CTBP2: variants seen among roughly 807,000 people sequenced by gnomAD.
CTBP2 encodes C-terminal-binding protein 2.
A neutral mutation model predicts 80.3 loss-of-function variants in CTBP2; 30 were observed. The observed-to-expected ratio is 0.37, with a 90% CI of 0.28 to 0.51. CTBP2 has a LOEUF of 0.51. Ranked by LOEUF, CTBP2 falls within the 20% of genes least tolerant of loss-of-function variation. CTBP2 has a pLI of 0.93. For missense variants in CTBP2, 1,212 were observed against 1,375.3 expected (o/e 0.88, Z 1.88); for synonymous variants, 594 against 587.4 (o/e 1.01, Z -0.16).
At chr10:125,079,731 G>T (rs1400691525) in intron 2 of CTBP2, among the ~76,000 whole-genome samples, 1 of 152,150 alleles carries the variant, frequency 6.6e-6, no homozygotes, top group Non-Finnish European at 1.5e-5. Context: ...ATCTATAATG[G>T]TTGCTAATTT....
intron 1 of CTBP2, among the ~76,000 whole-genome samples, chr10:125,125,671 C>T (rs1456396490): frequency 6.6e-6 from 1 of 152,204 alleles, no homozygotes; most frequent in Admixed American, 6.5e-5. Context: ...GAATGGGACA[C>T]TCAGTGTCCA....
chr10:125,114,448 C>T (rs1166397702), intron 1 of CTBP2, among the ~76,000 whole-genome samples: 1 of 152,092 alleles, frequency 6.6e-6, no homozygotes, highest in Non-Finnish European at 1.5e-5. Flanking sequence ...AGACTGTGGT[C>T]AGCTAGTTCC....
At chr10:125,049,337 A>G (rs1460431853) in intron 2 of CTBP2, among the ~76,000 whole-genome samples, 4 of 152,222 alleles carry the variant, frequency 2.6e-5, no homozygotes, top group Non-Finnish European at 5.9e-5. Flanking sequence ...GCAGCAGGAT[A>G]CCACTGAGTG....
intron 2 of CTBP2, among the ~76,000 whole-genome samples, chr10:125,055,626 G>A (rs984809189): frequency 3.9e-5 from 6 of 152,130 alleles, no homozygotes; most frequent in South Asian, 2.1e-4. Flanking sequence ...ACACGGCTAC[G>A]TCTCACAAAG....
chr10:125,114,232 G>A (rs2135957358), intron 1 of CTBP2, among the ~76,000 whole-genome samples: 2 of 152,294 alleles, frequency 1.3e-5, no homozygotes, highest in African/African-American at 4.8e-5. Context: ...CGGTCAGCAT[G>A]CCCACCCCCT....
At chr10:125,121,955 G>A (rs919216958) in intron 1 of CTBP2, among the ~76,000 whole-genome samples, 1 of 152,214 alleles carries the variant, frequency 6.6e-6, no homozygotes, top group Non-Finnish European at 1.5e-5. Flanking sequence ...TGGGATGGGA[G>A]AGAAAAGCCA....
intron 1 of CTBP2, among the ~76,000 whole-genome samples, chr10:125,009,274 G>A (rs565636677): frequency 1.3e-4 from 20 of 152,174 alleles, no homozygotes; most frequent in Admixed American, 4.6e-4. Flanking sequence ...AGCGATTCAC[G>A]GCTTCATCAG....
intron 2 of CTBP2, among the ~76,000 whole-genome samples, chr10:125,099,611 G>T (rs1850289266): frequency 6.6e-6 from 1 of 152,210 alleles, no homozygotes; most frequent in Non-Finnish European, 1.5e-5. Context: ...TCCTGCCTTA[G>T]AAAACCATCA....
intron 1 of CTBP2, among the ~76,000 whole-genome samples, chr10:125,141,915 G>A (rs1857896874): frequency 6.6e-6 from 1 of 152,172 alleles, no homozygotes; most frequent in African/African-American, 2.4e-5. Context: ...CCCTGGCCTG[G>A]CAGTCACTCA....
intron 1 of CTBP2, among the ~76,000 whole-genome samples, chr10:125,129,124 T>A (rs1181847910): frequency 6.6e-6 from 1 of 152,224 alleles, no homozygotes; most frequent in Admixed American, 6.5e-5. Context: ...GTGTATAATG[T>A]ACATACATGT....
chr10:125,125,806 G>T (rs778315633), intron 1 of CTBP2, among the ~76,000 whole-genome samples: 12 of 152,326 alleles, frequency 7.9e-5, no homozygotes, highest in African/African-American at 2.9e-4. Flanking sequence ...CTTGAGATCT[G>T]GGCTAAGAAA....
At chr10:125,112,253 C>A (rs1852411778) in intron 1 of CTBP2, among the ~76,000 whole-genome samples, 1 of 151,320 alleles carries the variant, frequency 6.6e-6, no homozygotes, top group African/African-American at 2.4e-5. Flanking sequence ...GCTGGGACTA[C>A]AGGCGCCTGC....
At chr10:125,129,893 T>C (rs1351452239) in intron 1 of CTBP2, among the ~76,000 whole-genome samples, 1 of 151,990 alleles carries the variant, frequency 6.6e-6, no homozygotes, top group South Asian at 2.1e-4. Context: ...TTGTTTGTGC[T>C]AACGCAGGCT....
At chr10:125,138,461 T>C (rs1857293745) in intron 1 of CTBP2, among the ~76,000 whole-genome samples, 1 of 152,142 alleles carries the variant, frequency 6.6e-6, no homozygotes, top group African/African-American at 2.4e-5. Context: ...AAAATGACCT[T>C]CGGCAGTTCA....
chr10:125,002,960 C>T lies in CTBP2; in HGVS notation c.1978G>A (p.Gly660Arg), dbSNP rs745561150. Reference sequence around the variant, plus strand: ...GCAGCCAGCGCTGCCTCGCACTCACCGAGCTCGCCGGCAGCCTTGATGTCC... The same window carrying T: ...GCAGCCAGCGCTGCCTCGCACTCACTGAGCTCGCCGGCAGCCTTGATGTCC... Residue 660 changes from glycine to arginine, a missense_variant and splice_region_variant, in exon 3 of 9, where the codon GGA becomes AGA. Coordinates refer to ENST00000309035, the MANE Select transcript of CTBP2 (RefSeq NM_022802.3). 1.6e-5 allele frequency: 25 copies of T among 1,612,358 alleles called. No homozygotes were observed. The highest frequency in any genetic ancestry group is 1.2e-4 in the Admixed American group (7 of 59,996).
chr10:124,989,606 A>G lies in CTBP2; in HGVS notation c.2870T>C (p.Leu957Pro). 3.1e-6 allele frequency: 5 copies of G among 1,613,012 alleles called. No individual in the cohort carries two copies. Among genetic ancestry groups the G allele is most frequent in the Non-Finnish European group, 4.2e-6 (5 of 1,179,618 alleles). The change falls in exon 9 of 9, where the codon CTC (leucine) becomes CCC (proline). Residue 957 changes from leucine (L) to proline (P), a missense_variant. This residue lies in a region of CTBP2 where 335 missense variants were observed against 504.7 expected (regional missense o/e 0.66). Coordinates refer to ENST00000309035, the MANE Select transcript of CTBP2 (RefSeq NM_022802.3). ...TTGGGAAGGATGTGCCACTGTCGGG[A>G]GGTTGTGAGTCACTGGGATGCCTCC...
intron 6 of CTBP2, 41 bp from the exon 9 acceptor site, chr10:124,993,370 G>T: frequency 6.3e-7 from 1 of 1,585,716 alleles, no homozygotes; most frequent in South Asian, 1.1e-5. Flanking sequence ...GGGAAATGTC[G>T]CATACGCTCC....
At chr10:125,125,962 T>C (rs1487435555) in intron 1 of CTBP2, among the ~76,000 whole-genome samples, 1 of 152,356 alleles carries the variant, frequency 6.6e-6, no homozygotes, top group Non-Finnish European at 1.5e-5. Context: ...GTGTCAGGGC[T>C]GAGCATTCGA....
At chr10:125,011,294 T>G (rs1343004991) in intron 1 of CTBP2, among the ~76,000 whole-genome samples, 2 of 152,240 alleles carry the variant, frequency 1.3e-5, no homozygotes, top group Non-Finnish European at 2.9e-5. Context: ...TAAATAGATT[T>G]GCTTCTTAAA....
Sources: gnomAD v4.1 joint callset for allele counts (sites outside exome capture counted in the v4.1 genomes callset) on GRCh38, gnomAD v4.1.1 for gene constraint, gnomAD v4.1.1 regional missense constraint, MANE v1.5 for transcripts, NCBI Gene and HGNC (gene_info 2026-07-23, HGNC 2026-07-21) for gene names.